PRKN: variants seen among roughly 807,000 people sequenced by gnomAD.
PRKN encodes the protein parkin RBR E3 ubiquitin protein ligase, also known as E3 ubiquitin-protein ligase parkin.
In PRKN, 56 loss-of-function variants were observed where a neutral mutation model predicts 59.5. The observed-to-expected ratio is 0.94, with a 90% confidence interval of 0.76 to 1.18. PRKN has a LOEUF of 1.18. PRKN is among the 50% of genes most tolerant of loss of function. PRKN has a pLI of 0.00. For missense variants in PRKN, 657 were observed against 596.4 expected, an observed-to-expected ratio of 1.10 and a Z score of -1.06; for synonymous variants, 250 against 222.1, an observed-to-expected ratio of 1.13 and a Z score of -1.12.
At position 161,904,354 on chromosome 6, in the gene PRKN, T is replaced by C. The variant is rs370045868; in HGVS notation, c.734+68948A>G. 3.9e-3 allele frequency among the ~76,000 whole-genome samples: 561 copies of C among 145,474 alleles called. 4 individuals are homozygous for C. Among genetic ancestry groups the C allele is most frequent in the African/African-American group, 0.014 (539 of 38,558 alleles). Reference sequence around the variant, plus strand: ...TTTTTGAGACAGAGTCTGGCTCTGTTGCCCAGGCTGGAGTGCAGTGGCACG... The same window carrying C: ...TTTTTGAGACAGAGTCTGGCTCTGTCGCCCAGGCTGGAGTGCAGTGGCACG... On this transcript the variant is annotated intron_variant, in intron 6 of 11. Coordinates refer to ENST00000366898, the MANE Select transcript of PRKN (RefSeq NM_004562.3).
At chr6:162,076,189 G>A (rs1030430329) in intron 4 of PRKN, among the ~76,000 whole-genome samples, 1 of 151,836 alleles carries the variant, frequency 6.6e-6, no homozygotes, top group Non-Finnish European at 1.5e-5. Context: ...GACTGGTCTC[G>A]AACTCCTGAC....
intron 9 of PRKN, among the ~76,000 whole-genome samples, chr6:161,489,921 G>T (rs1223623934): frequency 6.6e-6 from 1 of 152,148 alleles, no homozygotes; most frequent in Admixed American, 6.5e-5. Context: ...TTTGAGTTCC[G>T]ATGGCTCCTG....
chr6:162,183,900 A>G (rs949119092), intron 4 of PRKN, among the ~76,000 whole-genome samples: 1 of 152,150 alleles, frequency 6.6e-6, no homozygotes, highest in Non-Finnish European at 1.5e-5. Context: ...AAACAGGTGC[A>G]CCTGACTGCC....
intron 3 of PRKN, among the ~76,000 whole-genome samples, chr6:162,229,738 C>T (rs552068613): frequency 1.3e-5 from 2 of 152,328 alleles, no homozygotes; most frequent in South Asian, 4.1e-4. Flanking sequence ...AGCTAGTTCC[C>T]TCAATCTATC....
At chr6:161,505,459 C>T (rs1470825660) in intron 9 of PRKN, among the ~76,000 whole-genome samples, 2 of 151,560 alleles carry the variant, frequency 1.3e-5, no homozygotes, top group Non-Finnish European at 2.9e-5. Flanking sequence ...CAAAAATATT[C>T]TCCCATTTTG....
At chr6:161,511,160 G>T (rs1330665595) in intron 9 of PRKN, among the ~76,000 whole-genome samples, 4 of 152,190 alleles carry the variant, frequency 2.6e-5, no homozygotes, top group Admixed American at 2.6e-4. Flanking sequence ...AATGTTCTTT[G>T]TGGAGATTTT....
In PRKN at chr6:161,473,382, T is replaced by C. The variant is rs1790889908; in HGVS notation, c.1083+75472A>G. Among the ~76,000 whole-genome samples, 2 of 150,720 alleles carry C rather than the reference T, an allele frequency of 1.3e-5. No individual in the cohort carries two copies. Among genetic ancestry groups the C allele is most frequent in the Non-Finnish European group, 3.0e-5 (2 of 67,726 alleles). The stretch of plus-strand genomic sequence containing the variant: ...TTTATATACATATATATATATAAAA[T>C]GGAATATTATCAAGCCTTAAAAAGG... On this transcript the variant is annotated intron_variant, in intron 9 of 11. Coordinates refer to ENST00000366898, the MANE Select transcript of PRKN (RefSeq NM_004562.3). The surrounding 1 kb of genome is among the most constrained non-coding windows in gnomAD (Gnocchi z 4.1).
intron 5 of PRKN, among the ~76,000 whole-genome samples, chr6:162,012,295 C>T (rs1167621565): frequency 1.3e-5 from 2 of 152,012 alleles, no homozygotes; most frequent in Non-Finnish European, 1.5e-5. Context: ...GTATTTTTTT[C>T]ACGTTTAGTT....
chr6:162,554,613 A>G (rs367811203), intron 1 of PRKN, among the ~76,000 whole-genome samples: 192 of 151,148 alleles, frequency 1.3e-3, no homozygotes, highest in South Asian at 0.011. Flanking sequence ...GGAGGTTAAC[A>G]GATGACAGTG....
At chr6:162,045,354 A>G (rs181836535) in intron 5 of PRKN, among the ~76,000 whole-genome samples, 69 of 152,312 alleles carry the variant, frequency 4.5e-4, no homozygotes, top group African/African-American at 1.6e-3. Context: ...GATGATCACC[A>G]CTGAAGTTAT....
intron 1 of PRKN, among the ~76,000 whole-genome samples, chr6:162,520,091 AATATATAT>A (rs529158566): frequency 6.6e-6 from 1 of 151,988 alleles, no homozygotes; most frequent in Non-Finnish European, 1.5e-5. Context: ...TCTCTACAAA[AATATATAT>A]ATATTTTTAA....
chr6:162,522,228 A>G (rs6930739), intron 1 of PRKN, among the ~76,000 whole-genome samples: 13,511 of 152,288 alleles, frequency 0.089, 639 homozygotes, highest in South Asian at 0.16. Context: ...GGCTCAAGCC[A>G]TCCTCCAAAC....
Position 161,356,430 on chromosome 6 carries a change from G to T in PRKN, c.1285+3658C>A, listed in dbSNP as rs972032830. On this transcript the variant is annotated intron_variant, in intron 11 of 11. Transcript: ENST00000366898. This position sits in a 1 kb window ranked among gnomAD's most constrained non-coding sequence, Gnocchi z 7.8. ...GCAATGTCAGTGGGGACCCCCGGGG[G>T]GAAGGGCAGGACTGACATGGCCTTT... Among the ~76,000 whole-genome samples the T allele has an allele frequency of 3.3e-5, 5 of 152,336 alleles. No homozygotes were observed. Among genetic ancestry groups the T allele is most frequent in the African/African-American group, 1.2e-4 (5 of 41,580 alleles).
chr6:162,716,782 A>G (rs917402311), intron 1 of PRKN, among the ~76,000 whole-genome samples: 7 of 128,282 alleles, frequency 5.5e-5, no homozygotes, highest in Non-Finnish European at 1.1e-4. Flanking sequence ...GCACACACAC[A>G]CGCGCACACA....
intron 1 of PRKN, among the ~76,000 whole-genome samples, chr6:162,641,651 C>T (rs1777962722): frequency 1.3e-5 from 2 of 152,144 alleles, no homozygotes; most frequent in African/African-American, 4.8e-5. Context: ...GATGCAGAAT[C>T]CTTGCTACTT....
At chr6:162,143,354 T>C (rs1781870094) in intron 4 of PRKN, among the ~76,000 whole-genome samples, 2 of 152,218 alleles carry the variant, frequency 1.3e-5, no homozygotes, top group Admixed American at 6.5e-5. Flanking sequence ...GCTTGCACTA[T>C]GGACTTGATG....
intron 1 of PRKN, among the ~76,000 whole-genome samples, chr6:162,561,079 G>A (rs1249662089): frequency 1.3e-5 from 2 of 152,152 alleles, no homozygotes; most frequent in African/African-American, 4.8e-5. Flanking sequence ...AGGGCGACGG[G>A]GAGAAATCCA....
Position 161,459,783 on chromosome 6 carries a change from C to G in PRKN, c.1084-72906G>C, listed in dbSNP as rs73589726. On this transcript the variant is annotated intron_variant, in intron 9 of 11. Coordinates refer to ENST00000366898, the MANE Select transcript of PRKN (RefSeq NM_004562.3). The surrounding 1 kb of genome is among the most constrained non-coding windows in gnomAD (Gnocchi z 4.8). ...TAACAGTTCAGTTATTTGGTTTTCT[C>G]TTTGTCTCCTTCTTCATAATTTAGA... Among the ~76,000 whole-genome samples the G allele has an allele frequency of 0.017, 2,552 of 152,244 alleles. 77 individuals carry two copies. Among genetic ancestry groups the G allele is most frequent in the African/African-American group, 0.057 (2,373 of 41,516 alleles).
chr6:161,914,785 T>C (rs1415981491), intron 6 of PRKN, among the ~76,000 whole-genome samples: 1 of 151,802 alleles, frequency 6.6e-6, no homozygotes, highest in Non-Finnish European at 1.5e-5. Flanking sequence ...TGGCAAGCGA[T>C]ACTCATGACC....
Sources: gnomAD v4.1 joint callset for allele counts (sites outside exome capture counted in the v4.1 genomes callset) on GRCh38, gnomAD v4.1.1 for gene constraint, Gnocchi (gnomAD v3.1) non-coding constraint, MANE v1.5 for transcripts, NCBI Gene and HGNC (gene_info 2026-07-23, HGNC 2026-07-21) for gene names.